ASB14: variants seen among roughly 807,000 people sequenced by gnomAD.
ASB14 encodes the protein ankyrin repeat and SOCS box protein 14.
A neutral mutation model predicts 55.6 loss-of-function variants in ASB14; 63 were observed. The ratio of observed to expected loss-of-function variants is 1.13; its 90% CI spans 0.92 to 1.40. The LOEUF is 1.40. Among genes scored for constraint, ASB14 ranks in the 40% most tolerant of loss-of-function variants. The pLI is 0.00. For missense variants in ASB14, 724 were observed against 710.4 expected (o/e 1.02, Z -0.22); for synonymous variants, 256 against 259.9 (o/e 0.98, Z 0.15).
chr3:57,273,353 T>TTA (rs1407964755), intron 10 of ASB14: 1 of 152,638 alleles, frequency 6.6e-6, no homozygotes, highest in Non-Finnish European at 1.5e-5. Context: ...GGTGGAGAAC[T>TTA]TATTTTTTCA....
intron 7 of ASB14, among the ~76,000 whole-genome samples, chr3:57,279,581 C>T (rs868547452): frequency 6.6e-6 from 1 of 151,818 alleles, no homozygotes; most frequent in African/African-American, 2.4e-5. Context: ...ACCTGTAGTC[C>T]CAGCTACTCA....
chr3:57,269,844 G>A (rs2107614589), intron 10 of ASB14: 1 of 864,032 alleles, frequency 1.2e-6, no homozygotes, highest in East Asian at 2.7e-5. Flanking sequence ...TGAACTTGAT[G>A]ACTTAGGTTT....
chr3:57,285,435 A>G (rs2061073684), intron 5 of ASB14, among the ~76,000 whole-genome samples: 1 of 152,044 alleles, frequency 6.6e-6, no homozygotes, highest in African/African-American at 2.4e-5. Context: ...TGGTTTTGGT[A>G]TAATTTAATG....
At chr3:57,273,723 T>C (rs1341147911) in intron 10 of ASB14, among the ~76,000 whole-genome samples, 1 of 152,202 alleles carries the variant, frequency 6.6e-6, no homozygotes, top group Non-Finnish European at 1.5e-5. Flanking sequence ...TGCTACTGTT[T>C]GGTCCTACTT....
intron 8 of ASB14, 45 bp from the exon 9 acceptor site, chr3:57,277,965 A>C (rs573181500): frequency 6.5e-7 from 1 of 1,545,658 alleles, no homozygotes; most frequent in South Asian, 1.2e-5. Context: ...TGAAAAACAC[A>C]AAGTATCTAT....
intron 6 of ASB14, among the ~76,000 whole-genome samples, chr3:57,282,083 A>T (rs969702780): frequency 2.6e-5 from 4 of 152,196 alleles, no homozygotes; most frequent in South Asian, 2.1e-4. Context: ...AAAGATTCCA[A>T]TGTTTATTTT....
At chr3:57,273,347 G>A (rs1355387250) in intron 10 of ASB14, 1 of 152,568 alleles carries the variant, frequency 6.6e-6, no homozygotes, top group Admixed American at 6.5e-5. Context: ...ATGTGGGGTG[G>A]AGAACTTATT....
At chr3:57,280,561 A>G (rs2061031804) in intron 6 of ASB14, 88 bp from the exon 7 acceptor site, 1 of 1,233,698 alleles carries the variant, frequency 8.1e-7, no homozygotes. Context: ...CATCACCAAA[A>G]AGCAATTAGT....
chr3:57,287,658 G>A (rs1420087028), intron 5 of ASB14, among the ~76,000 whole-genome samples: 9 of 152,144 alleles, frequency 5.9e-5, no homozygotes, highest in Admixed American at 5.2e-4. Context: ...TTTTGTATCA[G>A]AATTAACTGG....
intron 7 of ASB14, 34 bp from the exon 8 acceptor site, chr3:57,278,954 GT>G: frequency 1.3e-6 from 2 of 1,591,508 alleles, no homozygotes; most frequent in Non-Finnish European, 8.6e-7. Context: ...TTTCAACATT[GT>G]TTTTAAGATG....
intron 5 of ASB14, among the ~76,000 whole-genome samples, chr3:57,284,118 GTGTGTGTA>G (rs1679491225): frequency 3.3e-5 from 5 of 151,442 alleles, no homozygotes; most frequent in African/African-American, 1.2e-4. Flanking sequence ...GTGTGTGTGT[GTGTGTGTA>G]TGTATGTAAA....
Position 57,280,491 on chromosome 3 carries a change from CT to C in ASB14, c.716-19del. Reference sequence around the variant, plus strand: ...ATTAGCTCCTAAGAGGAGAAAGACTCTTGTTAATGCAAAAATTATTTTCCAC... The same window carrying C: ...ATTAGCTCCTAAGAGGAGAAAGACTCTGTTAATGCAAAAATTATTTTCCAC... On this transcript the variant is annotated intron_variant, in intron 6 of 10. Transcript: ENST00000487349. The C allele has an allele frequency of 1.3e-6, 2 of 1,531,522 alleles. No individual in the cohort carries two copies. The highest frequency in any genetic ancestry group is 1.8e-6 in the Non-Finnish European group (2 of 1,133,064). The allele number at this position is 1,531,522 out of a possible 1,614,324, so 94.9% of individuals were successfully genotyped here. A position where few individuals can be genotyped will look rare whatever the true frequency, so the allele number is the denominator to read the frequency against.
chr3:57,290,523 T>C (rs1233032254), intron 2 of ASB14, among the ~76,000 whole-genome samples: 1 of 152,236 alleles, frequency 6.6e-6, no homozygotes, highest in African/African-American at 2.4e-5. Context: ...TCCTTTGCCA[T>C]GTAAGGTTCC....
At chr3:57,271,883 CTTTTGTTCCAT>C (rs1188725639) in intron 10 of ASB14, 1 of 152,084 alleles carries the variant, frequency 6.6e-6, no homozygotes, top group Non-Finnish European at 1.5e-5. Context: ...GATGATTCAG[CTTTTGTTCCAT>C]TACTGTTGAA....
At chr3:57,270,716 TCAC>T (rs1350390466) in intron 10 of ASB14, 4 of 152,586 alleles carry the variant, frequency 2.6e-5, no homozygotes, top group Non-Finnish European at 4.4e-5. Flanking sequence ...AAGTACTGAA[TCAC>T]CACTTTATAT....
At chr3:57,273,526 A>G (rs911439224) in intron 10 of ASB14, 4 of 152,610 alleles carry the variant, frequency 2.6e-5, no homozygotes, top group African/African-American at 4.8e-5. Flanking sequence ...TTGTAAAACA[A>G]TGGACTTCTT....
chr3:57,287,983 G>A lies in ASB14; in HGVS notation c.387C>T (p.Leu129=), dbSNP rs1214043679. Reference sequence around the variant, plus strand: ...GAAGAAGAAAAGTGGCATTTTCTAAGAGGCAACTGCTGACAGCCAAAAAAA... The same window carrying A: ...GAAGAAGAAAAGTGGCATTTTCTAAAAGGCAACTGCTGACAGCCAAAAAAA... ...TPLFLAVSSC[L]LENATFLLLN... Residue 129 remains leucine (L), a synonymous_variant, in exon 5 of 11, where the codon CTC becomes CTT. Coordinates refer to ENST00000487349, the MANE Select transcript of ASB14 (RefSeq NM_001142733.3). 4 of 1,537,316 alleles carry A rather than the reference G, an allele frequency of 2.6e-6. No homozygotes were observed. The highest frequency in any genetic ancestry group is 2.0e-5 in the Admixed American group (1 of 51,006).
chr3:57,275,694 G>A (rs1433136668), intron 10 of ASB14, among the ~76,000 whole-genome samples: 3 of 152,068 alleles, frequency 2.0e-5, no homozygotes, highest in African/African-American at 4.8e-5. Context: ...GTTTTTAGGT[G>A]ATTTTGTCAT....
At position 57,276,686 on chromosome 3, in the gene ASB14, C is replaced by T. The variant is rs767635090; in HGVS notation, c.1628G>A (p.Arg543Gln). Residue 543 changes from arginine (R) to glutamine (Q), a missense_variant, in exon 10 of 11, where the codon CGG becomes CAG. Transcript: ENST00000487349. Reference protein sequence around the residue: ...SLKHLCRLKIRKCMGRLHLRC... With the variant: ...SLKHLCRLKIQKCMGRLHLRC... The stretch of plus-strand genomic sequence containing the variant: ...CAAATGTAACCGTCCCATGCATTTC[C>T]GGATCTTTAGGCGGCACAAATGTTT... The T allele has an allele frequency of 2.5e-5, 40 of 1,613,638 alleles. No individual in the cohort carries two copies. The highest frequency in any genetic ancestry group is 6.7e-5 in the East Asian group (3 of 44,878).
Sources: gnomAD v4.1 joint callset for allele counts (sites outside exome capture counted in the v4.1 genomes callset) on GRCh38, gnomAD v4.1.1 for gene constraint, MANE v1.5 for transcripts, NCBI Gene and HGNC (gene_info 2026-07-23, HGNC 2026-07-21) for gene names.